The following TRDN variants were observed in gnomAD, a reference collection of about 807,000 sequenced individuals.
TRDN encodes the protein triadin in skeletal muscle.
Under a neutral mutation model 149.7 loss-of-function variants are expected in TRDN, and 161 were observed. That is an observed-to-expected ratio of 1.08 (90% CI 0.95 to 1.23). The LOEUF (loss-of-function observed/expected upper bound fraction) is 1.23. Among genes scored for constraint, TRDN ranks in the 50% most tolerant of loss-of-function variants. TRDN has a pLI of 0.00. For missense variants in TRDN, 896 were observed against 823.5 expected (o/e 1.09, Z -1.08); for synonymous variants, 294 against 250.5 (o/e 1.17, Z -1.64).
intron 5 of TRDN, among the ~76,000 whole-genome samples, chr6:123,524,365 T>C (rs1779833965): frequency 6.9e-6 from 1 of 144,410 alleles, no homozygotes; most frequent in African/African-American, 2.5e-5. Context: ...TTCAGCCTTT[T>C]CAAATATCAA....
intron 26 of TRDN, among the ~76,000 whole-genome samples, chr6:123,277,155 A>C (rs1777395380): frequency 6.6e-6 from 1 of 152,180 alleles, no homozygotes; most frequent in Non-Finnish European, 1.5e-5. Context: ...ACAGGTTCAA[A>C]AAGAGAAGAG....
intron 10 of TRDN, chr6:123,464,216 G>A: frequency 2.1e-6 from 2 of 957,136 alleles, no homozygotes; most frequent in Non-Finnish European, 2.5e-6. Context: ...TTTAATAAAA[G>A]TTTAAGAAAT....
intron 38 of TRDN, among the ~76,000 whole-genome samples, chr6:123,228,445 C>T (rs529233590): frequency 2.3e-4 from 35 of 151,966 alleles, no homozygotes; most frequent in African/African-American, 7.9e-4. Flanking sequence ...ACTTACATCA[C>T]GGCAGAAACA....
At chr6:123,568,151 C>A (rs1030029559) in intron 2 of TRDN, among the ~76,000 whole-genome samples, 4 of 152,136 alleles carry the variant, frequency 2.6e-5, no homozygotes, top group Non-Finnish European at 2.9e-5. Context: ...GTCATTAAAT[C>A]TTAAGGTTCC....
At chr6:123,530,389 TTTAG>T (rs749777658) in intron 5 of TRDN, 113 bp downstream of exon 5, 1 of 477,332 alleles carries the variant, frequency 2.1e-6, no homozygotes, top group Non-Finnish European at 3.2e-6. Flanking sequence ...GAGGAGTAAA[TTTAG>T]TTATTTAATA....
intron 1 of TRDN, among the ~76,000 whole-genome samples, chr6:123,601,368 A>G (rs535974486): frequency 7.2e-5 from 11 of 152,236 alleles, no homozygotes; most frequent in African/African-American, 2.2e-4. Context: ...GTTGTCATCA[A>G]CACCTTTTGT....
At chr6:123,521,763 C>T (rs1779693980) in intron 5 of TRDN, among the ~76,000 whole-genome samples, 1 of 152,084 alleles carries the variant, frequency 6.6e-6, no homozygotes, top group South Asian at 2.1e-4. Flanking sequence ...AACCAAAAAC[C>T]ACTAATTCCT....
At chr6:123,420,013 A>G (rs1464232639) in intron 12 of TRDN, among the ~76,000 whole-genome samples, 1 of 152,192 alleles carries the variant, frequency 6.6e-6, no homozygotes, top group Non-Finnish European at 1.5e-5. Context: ...AACCTTGTAA[A>G]CAAAAGTGAA....
At chr6:123,297,689 T>C (rs997583286) in intron 24 of TRDN, among the ~76,000 whole-genome samples, 1 of 152,010 alleles carries the variant, frequency 6.6e-6, no homozygotes, top group South Asian at 2.1e-4. Context: ...AATGTAGTGC[T>C]AGGTATACTT....
rs762525584 is a variant in TRDN, at chr6:123,259,491, T to C, written c.1870+133A>G. 328 of 618,620 alleles carry C rather than the reference T, an allele frequency of 5.3e-4. 3 individuals carry two copies. The highest frequency in any genetic ancestry group is 9.3e-4 in the Middle Eastern group (2 of 2,160). The allele number at this position is 618,620 out of a possible 1,614,324, so 38.3% of individuals were successfully genotyped here. A position where few individuals can be genotyped will look rare whatever the true frequency, so the allele number is the denominator to read the frequency against. ...GATGAACTGTAATGTACTATAATTA[T>C]GATATGTGCTATAAAATCAGTGTCT... On this transcript the variant is annotated intron_variant, in intron 35 of 40. Transcript: ENST00000334268.
intron 20 of TRDN, among the ~76,000 whole-genome samples, chr6:123,355,059 T>A (rs1041181174): frequency 1.3e-5 from 2 of 151,736 alleles, no homozygotes; most frequent in Non-Finnish European, 3.0e-5. Context: ...CATATACTTA[T>A]CAGCATTTAG....
At chr6:123,235,174 G>A (rs1231487663) in intron 38 of TRDN, among the ~76,000 whole-genome samples, 2 of 152,078 alleles carry the variant, frequency 1.3e-5, no homozygotes, top group African/African-American at 2.4e-5. Context: ...GGAAGCAGAG[G>A]GAAACCATGG....
intron 1 of TRDN, among the ~76,000 whole-genome samples, chr6:123,617,689 CTATT>C (rs770322797): frequency 7.9e-5 from 12 of 152,002 alleles, no homozygotes; most frequent in Non-Finnish European, 1.5e-4. Flanking sequence ...AAAAGGGAGA[CTATT>C]TATTTTTAAA....
chr6:123,429,901 T>C (rs1003613183), intron 12 of TRDN, among the ~76,000 whole-genome samples: 1 of 152,174 alleles, frequency 6.6e-6, no homozygotes, highest in Non-Finnish European at 1.5e-5. Flanking sequence ...AGAAGAAATA[T>C]GTGGTCTATT....
chr6:123,570,863 A>G, intron 2 of TRDN, 60 bp downstream of exon 2: 1 of 1,495,466 alleles, frequency 6.7e-7, no homozygotes, highest in Non-Finnish European at 9.2e-7. Context: ...ACTGGAGGGG[A>G]CACTGTTTCT....
In TRDN at chr6:123,557,642, T is replaced by G. The variant is rs1243539839; in HGVS notation, c.233-9030A>C. The stretch of plus-strand genomic sequence containing the variant: ...TGGTGTTTAATCACGCGGGGACAAC[T>G]GCCTGATTATTCACCCACGTTTCAG... On this transcript the variant is annotated intron_variant, in intron 2 of 40. Coordinates refer to ENST00000334268, the MANE Select transcript of TRDN (RefSeq NM_006073.4). Among the ~76,000 whole-genome samples the G allele has an allele frequency of 3.9e-5, 6 of 152,246 alleles. No homozygotes were observed. In the South Asian group the frequency reaches 1.2e-3, roughly 32 times the overall value.
intron 12 of TRDN, among the ~76,000 whole-genome samples, chr6:123,421,896 C>G (rs1276494662): frequency 6.6e-6 from 1 of 151,724 alleles, no homozygotes; most frequent in African/African-American, 2.4e-5. Flanking sequence ...ACTGCTTGAG[C>G]CTAGGGGTTT....
At chr6:123,467,938 C>T (rs895627816) in intron 9 of TRDN, among the ~76,000 whole-genome samples, 13 of 152,040 alleles carry the variant, frequency 8.6e-5, no homozygotes, top group Admixed American at 4.6e-4. Context: ...AAGCTGTGTA[C>T]ATTTGAAAAT....
chr6:123,254,559 G>A (rs1027678768), intron 37 of TRDN, among the ~76,000 whole-genome samples: 1 of 151,750 alleles, frequency 6.6e-6, no homozygotes, highest in Non-Finnish European at 1.5e-5. Flanking sequence ...TAGTATAAAC[G>A]TTATTTACAG....
Sources: allele counts gnomAD v4.1 joint callset (sites outside exome capture counted in the v4.1 genomes callset), GRCh38; gene constraint gnomAD v4.1.1; transcripts MANE v1.5; gene names NCBI Gene and HGNC (gene_info 2026-07-23, HGNC 2026-07-21).